Variants in PRH1 observed in about 807,000 individuals in gnomAD.
The protein encoded by PRH1 is proline rich protein HaeIII subfamily 1, also known as salivary acidic proline-rich phosphoprotein 1/2.
PRH1 carries 7 observed loss-of-function variants against 7.9 expected under a neutral mutation model. The observed-to-expected ratio is 0.89, with a 90% CI of 0.50 to 1.67. The LOEUF is 1.67. Ranked by LOEUF, PRH1 falls within the 40% of genes most tolerant of loss-of-function variation. The pLI, the probability that PRH1 is intolerant of heterozygous loss-of-function variation, is 0.00. For missense variants in PRH1, 109 were observed against 223.6 expected, an observed-to-expected ratio of 0.49 and a Z score of 3.27; for synonymous variants, 45 against 80.8, an observed-to-expected ratio of 0.56 and a Z score of 2.38.
intron 2 of PRH1, among the ~76,000 whole-genome samples, chr12:10,904,361 A>G (rs1949772019): frequency 6.6e-6 from 1 of 152,170 alleles, no homozygotes; most frequent in Non-Finnish European, 1.5e-5. Context: ...TAGAGAACCC[A>G]GAAATAAAGA....
intron 1 of PRH1, among the ~76,000 whole-genome samples, chr12:11,169,634 G>A (rs1947752584): frequency 6.6e-6 from 1 of 150,640 alleles, no homozygotes. Context: ...AATCCAGGAC[G>A]TAATGACTCC....
rs376350675 is a variant in PRH1, at chr12:11,127,320, T to C, written n.40-6140A>G. On this transcript the variant is annotated intron_variant and non_coding_transcript_variant, in intron 1 of 1. Transcript: ENST00000541175. ...TTTGCAATTTTTTCCTTGTTTAATG[T>C]CTCCATAATTTGCGTTCAGCAATGT... 1.8e-4 allele frequency among the ~76,000 whole-genome samples: 28 copies of C among 152,378 alleles called. No homozygotes were observed. The South Asian group carries it at 5.6e-3, about 30-fold the overall frequency.
rs374673434 is a variant in PRH1, at chr12:11,057,405, T to C, written n.124-10217A>G. On this transcript the variant is annotated intron_variant and non_coding_transcript_variant, in intron 1 of 4. Coordinates refer to the PRH1 transcript ENST00000541977. ...TTACTACCTCTTCCTGAACGTGTAATTGAACTGGATACGTATGGCAGCTGG... is the reference window on the plus strand; with the variant it reads ...TTACTACCTCTTCCTGAACGTGTAACTGAACTGGATACGTATGGCAGCTGG... Among the ~76,000 whole-genome samples, 14 of 152,304 alleles carry C rather than the reference T, an allele frequency of 9.2e-5. No individual in the cohort carries two copies. In the East Asian group the frequency reaches 1.5e-3, roughly 17 times the overall value.
At chr12:11,045,999 G>A (rs777508242) in intron 1 of PRH1, among the ~76,000 whole-genome samples, 1 of 152,122 alleles carries the variant, frequency 6.6e-6, no homozygotes, top group Non-Finnish European at 1.5e-5. Flanking sequence ...GTGTAAAAAG[G>A]ATGTATATGA....
chr12:10,927,283 G>C (rs1414364469), intron 2 of PRH1, among the ~76,000 whole-genome samples: 1 of 152,050 alleles, frequency 6.6e-6, no homozygotes, highest in Non-Finnish European at 1.5e-5. Flanking sequence ...CCCTTTCTCT[G>C]GCCTTCCTTT....
chr12:10,986,063 A>G, intron 1 of PRH1: 1 of 1,614,100 alleles, frequency 6.2e-7, no homozygotes. Context: ...TGTTTCCAAC[A>G]GCCTTGCTAA....
At chr12:11,075,858 A>G (rs1250999184) in intron 1 of PRH1, among the ~76,000 whole-genome samples, 1 of 125,568 alleles carries the variant, frequency 8.0e-6, no homozygotes, top group African/African-American at 2.7e-5. Flanking sequence ...TTACCACATC[A>G]AATTATCCAT....
chr12:11,163,714 A>G lies in PRH1; in HGVS notation n.39+7708T>C, dbSNP rs527592108. On this transcript the variant is annotated intron_variant and non_coding_transcript_variant, in intron 1 of 1. Transcript: ENST00000541175. The stretch of plus-strand genomic sequence containing the variant: ...AGTTTAAGCACAAAAGACATTTATT[A>G]AAGTGTATCAGAGAATCATTACAAA... Among the ~76,000 whole-genome samples, 13 of 152,350 alleles carry G rather than the reference A, an allele frequency of 8.5e-5. No homozygotes were observed. In the East Asian group the frequency reaches 2.5e-3, roughly 29 times the overall value.
Position 11,061,231 on chromosome 12 carries a change from A to G in PRH1, n.124-14043T>C, listed in dbSNP as rs182558280. On this transcript the variant is annotated intron_variant and non_coding_transcript_variant, in intron 1 of 4. Transcript: ENST00000541977. The stretch of plus-strand genomic sequence containing the variant: ...GCACTTTTTTAGACTAACGTTAGGT[A>G]AAAGACTTTTCTAGGTACATGCTTG... The G allele has an allele frequency of 1.4e-3, 1,644 of 1,198,246 alleles. 10 individuals carry two copies. The highest frequency in any genetic ancestry group is 4.6e-4 in the Middle Eastern group (2 of 4,308). The allele number at this position is 1,198,246 out of a possible 1,614,324, so 74.2% of individuals were successfully genotyped here.
At chr12:11,168,220 GA>G (rs374606140) in intron 1 of PRH1, among the ~76,000 whole-genome samples, 1 of 4,946 alleles carries the variant, frequency 2.0e-4, no homozygotes, top group Non-Finnish European at 6.0e-4. Context: ...AAAGAAGAAA[GA>G]AAGAAAGAAA....
At chr12:10,967,083 C>T (rs1166826494) in intron 2 of PRH1, among the ~76,000 whole-genome samples, 1 of 146,146 alleles carries the variant, frequency 6.8e-6, no homozygotes, top group Non-Finnish European at 1.5e-5. Flanking sequence ...CCACCGCACT[C>T]CAGCCTGGGC....
At chr12:11,021,463 G>A (rs751152129) in intron 1 of PRH1, among the ~76,000 whole-genome samples, 86 of 141,698 alleles carry the variant, frequency 6.1e-4, no homozygotes, top group Admixed American at 3.2e-3. Context: ...TATGGTCAAC[G>A]TTGTTATTCA....
chr12:10,956,951 T>A (rs1353483137), intron 2 of PRH1, among the ~76,000 whole-genome samples: 1 of 152,088 alleles, frequency 6.6e-6, no homozygotes, highest in Non-Finnish European at 1.5e-5. Context: ...GGTGCATGGA[T>A]GGGAAGAATC....
At chr12:10,989,368 G>T (rs1172474332) in intron 1 of PRH1, among the ~76,000 whole-genome samples, 1 of 151,830 alleles carries the variant, frequency 6.6e-6, no homozygotes, top group East Asian at 1.9e-4. Context: ...TACATATTTG[G>T]GGGGTTTCTT....
At chr12:11,078,660 T>C (rs1348287900) in intron 1 of PRH1, 2 of 152,066 alleles carry the variant, frequency 1.3e-5, no homozygotes, top group African/African-American at 4.8e-5. Context: ...AGTTGTTTCT[T>C]AGGGAAATTT....
Position 10,884,026 on chromosome 12 carries a change from C to T in PRH1, c.64+128G>A, listed in dbSNP as rs1949451115. The T allele has an allele frequency of 3.6e-6, 4 of 1,098,666 alleles. No homozygotes were observed. In the South Asian group the frequency reaches 6.0e-5, roughly 17 times the overall value. 68.1% of individuals were successfully genotyped at this position (1,098,666 alleles called of 1,614,324 possible). A position where few individuals can be genotyped will look rare whatever the true frequency, so the allele number is the denominator to read the frequency against. On this transcript the variant is annotated intron_variant, in intron 1 of 3. Coordinates refer to ENST00000543626, the MANE Select transcript of PRH1 (RefSeq NM_001393989.1). Reference sequence around the variant, plus strand: ...TGGAGGTACAATAGATCTTCTGATCCTCAGCATGAGAACTCTGCAGTCCCA... The same window carrying T: ...TGGAGGTACAATAGATCTTCTGATCTTCAGCATGAGAACTCTGCAGTCCCA...
intron 1 of PRH1, among the ~76,000 whole-genome samples, chr12:10,995,831 GAA>G (rs1228915762): frequency 6.6e-6 from 1 of 152,030 alleles, no homozygotes; most frequent in African/African-American, 2.4e-5. Context: ...TAACAGCACT[GAA>G]AAGAGCTCAT....
chr12:10,992,969 T>C (rs1178033521), intron 1 of PRH1, among the ~76,000 whole-genome samples: 1 of 152,192 alleles, frequency 6.6e-6, no homozygotes, highest in Non-Finnish European at 1.5e-5. Context: ...AACCGCATTG[T>C]CCAAGGAATA....
upstream of PRH1, among the ~76,000 whole-genome samples, chr12:10,886,347 T>C (rs1338414434): frequency 7.2e-5 from 11 of 152,116 alleles, no homozygotes; most frequent in Non-Finnish European, 1.5e-4. Flanking sequence ...GCAGGCCTGG[T>C]GCAAGACAGG....
Sources: allele counts gnomAD v4.1 joint callset (sites outside exome capture counted in the v4.1 genomes callset), GRCh38; gene constraint gnomAD v4.1.1; transcripts MANE v1.5; gene names NCBI Gene and HGNC (gene_info 2026-07-23, HGNC 2026-07-21).